Variants in GPHN observed in about 807,000 individuals in gnomAD.
GPHN encodes the protein gephyrin.
GPHN carries 17 observed loss-of-function variants against 95.5 expected under a neutral mutation model. The ratio of observed to expected loss-of-function variants is 0.18; its 90% CI spans 0.12 to 0.27. GPHN has a LOEUF of 0.27. Ranked by LOEUF, GPHN falls within the 10% of genes least tolerant of loss-of-function variation. GPHN has a pLI of 1.00. For synonymous variants in GPHN, 320 were observed against 322.5 expected, an observed-to-expected ratio of 0.99 and a Z score of 0.08; for missense variants, 660 against 978.1, an observed-to-expected ratio of 0.67 and a Z score of 4.34.
At chr14:66,845,322 A>G (rs1825897057) in intron 4 of GPHN, among the ~76,000 whole-genome samples, 1 of 152,204 alleles carries the variant, frequency 6.6e-6, no homozygotes, top group Non-Finnish European at 1.5e-5. Flanking sequence ...TGAAAGATTA[A>G]TAAGTCCAAG....
At chr14:66,527,815 C>T (rs1451679851) in intron 1 of GPHN, among the ~76,000 whole-genome samples, 2 of 152,158 alleles carry the variant, frequency 1.3e-5, no homozygotes, top group African/African-American at 4.8e-5. Context: ...AATTTGATTG[C>T]ACTGTGGTCT....
intron 2 of GPHN, among the ~76,000 whole-genome samples, chr14:66,763,918 T>A (rs1178915926): frequency 6.6e-6 from 1 of 152,174 alleles, no homozygotes; most frequent in East Asian, 1.9e-4. Context: ...ACTGCACATG[T>A]GAGGGACCTA....
chr14:66,935,556 C>T (rs1414584509), intron 8 of GPHN, among the ~76,000 whole-genome samples: 1 of 150,832 alleles, frequency 6.6e-6, no homozygotes, highest in East Asian at 1.9e-4. Context: ...CAAACATGTA[C>T]ATATACATGT....
chr14:66,855,812 G>A (rs1043309716), intron 4 of GPHN, among the ~76,000 whole-genome samples: 3 of 152,018 alleles, frequency 2.0e-5, no homozygotes, highest in African/African-American at 7.2e-5. Flanking sequence ...TGAGGTACGA[G>A]TTCATTCTTA....
chr14:67,483,688 G>T, the GPHN span, among the ~76,000 whole-genome samples: 1 of 152,170 alleles, frequency 6.6e-6, no homozygotes, highest in Non-Finnish European at 1.5e-5. Context: ...CCATTCAAAG[G>T]CCCCTCACCA....
chr14:67,292,656 A>G, the GPHN span: 1 of 1,613,806 alleles, frequency 6.2e-7, no homozygotes, highest in African/African-American at 1.3e-5. Flanking sequence ...CCATCACAGT[A>G]CACATGAACA....
intron 1 of GPHN, among the ~76,000 whole-genome samples, chr14:66,524,947 C>T (rs561484181): frequency 6.6e-5 from 10 of 152,076 alleles, no homozygotes; most frequent in Non-Finnish European, 1.2e-4. Flanking sequence ...TGAACAGTGC[C>T]GCAGTAAACA....
intron 8 of GPHN, among the ~76,000 whole-genome samples, chr14:66,931,994 G>A (rs2066823204): frequency 6.6e-6 from 1 of 152,016 alleles, no homozygotes; most frequent in African/African-American, 2.4e-5. Context: ...ATCCTTCTTG[G>A]GAAGGCTTTC....
At chr14:67,713,195 A>C in the GPHN span, among the ~76,000 whole-genome samples, 3 of 151,920 alleles carry the variant, frequency 2.0e-5, no homozygotes, top group Non-Finnish European at 4.4e-5. Flanking sequence ...ATACCTAGGG[A>C]TGGGTCTCAG....
At chr14:67,010,975 T>C (rs1171663648) in intron 9 of GPHN, among the ~76,000 whole-genome samples, 1 of 152,228 alleles carries the variant, frequency 6.6e-6, no homozygotes, top group South Asian at 2.1e-4. Context: ...TTAGATGATA[T>C]CAAATTCTAA....
At chr14:66,993,894 T>G (rs540418997) in intron 9 of GPHN, among the ~76,000 whole-genome samples, 1 of 152,258 alleles carries the variant, frequency 6.6e-6, no homozygotes, top group Non-Finnish European at 1.5e-5. Flanking sequence ...ATGTAACATC[T>G]GAGTATCTTG....
At position 67,101,935 on chromosome 14, in the gene GPHN, G is replaced by A. The variant is rs979495437; in HGVS notation, c.1293+1024G>A. Among the ~76,000 whole-genome samples, 177 of 151,812 alleles carry A rather than the reference G, an allele frequency of 1.2e-3. 1 individual carries two copies. Among genetic ancestry groups the A allele is most frequent in the African/African-American group, 4.1e-3 (170 of 41,412 alleles). ...TGCCCAGGCTGGAGTGCAGTGGCGC[G>A]ATCTCGGCTCACTGCAAGCTCCGCC... On this transcript the variant is annotated intron_variant, in intron 13 of 22. Transcript: ENST00000478722.
the GPHN span, among the ~76,000 whole-genome samples, chr14:67,502,566 C>G: frequency 6.6e-6 from 1 of 150,656 alleles, no homozygotes; most frequent in African/African-American, 2.4e-5. Context: ...AATTCTCCTG[C>G]CTTAGCCTCC....
chr14:66,639,180 AATT>A (rs2064262150), intron 1 of GPHN, among the ~76,000 whole-genome samples: 1 of 151,542 alleles, frequency 6.6e-6, no homozygotes, highest in Non-Finnish European at 1.5e-5. Context: ...GAAATGAAAA[AATT>A]ATTAATTGGT....
the GPHN span, chr14:67,222,009 A>C: frequency 3.3e-6 from 2 of 609,338 alleles, no homozygotes; most frequent in Admixed American, 3.5e-5. Flanking sequence ...GCTATCTTTC[A>C]AGTGGAAAAC....
chr14:66,799,044 A>G (rs928168882), intron 3 of GPHN, among the ~76,000 whole-genome samples: 11 of 151,646 alleles, frequency 7.3e-5, no homozygotes, highest in Non-Finnish European at 1.3e-4. Flanking sequence ...TAAATTTTTC[A>G]GTTTTCTTCT....
the GPHN span, among the ~76,000 whole-genome samples, chr14:67,406,537 A>AG: frequency 6.6e-6 from 1 of 152,144 alleles, no homozygotes; most frequent in Non-Finnish European, 1.5e-5. Context: ...ATGGGGACCA[A>AG]GGTGGCAAGG....
At chr14:66,659,870 A>T (rs1044883096) in intron 1 of GPHN, among the ~76,000 whole-genome samples, 2 of 151,852 alleles carry the variant, frequency 1.3e-5, no homozygotes, top group African/African-American at 4.8e-5. Flanking sequence ...CACTCTGCTA[A>T]TCTCTTTCAG....
chr14:67,522,270 T>C, the GPHN span, among the ~76,000 whole-genome samples: 1 of 152,222 alleles, frequency 6.6e-6, no homozygotes, highest in Non-Finnish European at 1.5e-5. Flanking sequence ...TCTCCCACTC[T>C]ACTGCTCTCA....
Sources: gnomAD v4.1 joint callset for allele counts (sites outside exome capture counted in the v4.1 genomes callset) on GRCh38, gnomAD v4.1.1 for gene constraint, MANE v1.5 for transcripts, NCBI Gene and HGNC (gene_info 2026-07-23, HGNC 2026-07-21) for gene names.